STOX2: variants seen among roughly 807,000 people sequenced by gnomAD.
The protein encoded by STOX2 is storkhead box 2.
In STOX2, 28 loss-of-function variants were observed where a neutral mutation model predicts 60.9. The observed-to-expected ratio is 0.46, with a 90% CI of 0.34 to 0.63. The LOEUF (loss-of-function observed/expected upper bound fraction) is 0.63. STOX2 is among the 30% of genes least tolerant of loss of function. The pLI is 0.01. For missense variants in STOX2, 1,024 were observed against 1,187.7 expected (o/e 0.86, Z 2.03); for synonymous variants, 472 against 463.9 (o/e 1.02, Z -0.22).
At chr4:183,909,562 C>A (rs1461688816) in intron 1 of STOX2, among the ~76,000 whole-genome samples, 3 of 152,170 alleles carry the variant, frequency 2.0e-5, no homozygotes, top group Non-Finnish European at 4.4e-5. Context: ...AAAATAACTT[C>A]AGTTAAGAGA....
chr4:183,911,039 C>T (rs1741764275), intron 1 of STOX2, among the ~76,000 whole-genome samples: 1 of 152,166 alleles, frequency 6.6e-6, no homozygotes, highest in South Asian at 2.1e-4. Flanking sequence ...AGTAATATGA[C>T]CTCCCTCCAT....
intron 1 of STOX2, chr4:183,988,525 T>A (rs1445856711): frequency 6.6e-6 from 1 of 152,118 alleles, no homozygotes; most frequent in African/African-American, 2.4e-5. Context: ...TACCAGTATC[T>A]CAAGCCCTGA....
chr4:183,858,809 T>C (rs1292840834), intron 1 of STOX2, among the ~76,000 whole-genome samples: 1 of 152,228 alleles, frequency 6.6e-6, no homozygotes, highest in Non-Finnish European at 1.5e-5. Flanking sequence ...TCTTTATACT[T>C]AGCTTCTATG....
At position 184,011,453 on chromosome 4, in the gene STOX2, T is replaced by C. The variant is rs1196342742; in HGVS notation, c.2585+30T>C. 2 of 1,597,450 alleles carry C rather than the reference T, an allele frequency of 1.3e-6. No individual in the cohort carries two copies. Among genetic ancestry groups the C allele is most frequent in the South Asian group, 2.3e-5 (2 of 88,380 alleles). On this transcript the variant is annotated intron_variant, in intron 3 of 3. Coordinates refer to ENST00000308497, the MANE Select transcript of STOX2 (RefSeq NM_020225.3). This position sits in a 1 kb window ranked among gnomAD's most constrained non-coding sequence, Gnocchi z 4.4. ...GGAGAGGTGTCTCTGTGCACACACA[T>C]GCGCCTAGCGGGGCCTGGGGCTTTA...
intron 3 of STOX2, chr4:184,015,804 G>C (rs951260817): frequency 6.6e-6 from 1 of 152,220 alleles, no homozygotes; most frequent in African/African-American, 2.4e-5. Context: ...TCTGCCTCAT[G>C]CAGTGGATGT....
chr4:183,856,872 T>G lies in STOX2; in HGVS notation c.364+58817T>G, dbSNP rs561917998. ...ACCAAAACAGTCAGCTACCAAGTCTTATTGAGAATTTACTTTGGAAAGTCC... is the reference window on the plus strand; with the variant it reads ...ACCAAAACAGTCAGCTACCAAGTCTGATTGAGAATTTACTTTGGAAAGTCC... On this transcript the variant is annotated intron_variant, in intron 1 of 2. Coordinates refer to the STOX2 transcript ENST00000513034. The surrounding 1 kb of genome is among the most constrained non-coding windows in gnomAD (Gnocchi z 4.0). Among the ~76,000 whole-genome samples, 10 of 152,310 alleles carry G rather than the reference T, an allele frequency of 6.6e-5. No individual in the cohort carries two copies. Among genetic ancestry groups the G allele is most frequent in the African/African-American group, 2.2e-4 (9 of 41,570 alleles).
chr4:183,970,643 T>A (rs916479609), intron 1 of STOX2, among the ~76,000 whole-genome samples: 4 of 152,198 alleles, frequency 2.6e-5, no homozygotes, highest in Non-Finnish European at 4.4e-5. Context: ...GGCATCTCCA[T>A]GGAGCACTTT....
At chr4:183,904,310 G>A (rs1741531696), upstream of STOX2, among the ~76,000 whole-genome samples, 1 of 152,206 alleles carries the variant, frequency 6.6e-6, no homozygotes, top group Non-Finnish European at 1.5e-5. Context: ...CTGTGGGGTA[G>A]GTAAATATCC....
At chr4:183,807,034 G>T (rs1004620897) in intron 1 of STOX2, among the ~76,000 whole-genome samples, 6 of 151,832 alleles carry the variant, frequency 4.0e-5, no homozygotes, top group Admixed American at 1.3e-4. Context: ...GTGCAGTGGC[G>T]CGATCTCGGC....
rs548504136 is a variant in STOX2, at chr4:183,948,421, A to G, written c.166+41465A>G. Among the ~76,000 whole-genome samples, 4 of 151,688 alleles carry G rather than the reference A, an allele frequency of 2.6e-5. No individual in the cohort carries two copies. In the East Asian group the frequency reaches 5.8e-4, roughly 22 times the overall value. On this transcript the variant is annotated intron_variant, in intron 1 of 3. Coordinates refer to ENST00000308497, the MANE Select transcript of STOX2 (RefSeq NM_020225.3). ...TGTTTTCCAGTAGCTCCATATTTCT[A>G]TTAGTCAATTCAACACCTAGTTTGG...
chr4:183,888,193 A>G (rs981971515), intron 1 of STOX2, among the ~76,000 whole-genome samples: 2 of 152,180 alleles, frequency 1.3e-5, no homozygotes, highest in Admixed American at 6.5e-5. Context: ...TCATGTTTCA[A>G]TGGATGAAGA....
chr4:183,947,830 G>T (rs1354423504), intron 1 of STOX2, among the ~76,000 whole-genome samples: 1 of 152,138 alleles, frequency 6.6e-6, no homozygotes, highest in African/African-American at 2.4e-5. Flanking sequence ...TATTACTGCA[G>T]TTAGCATGTG....
intron 1 of STOX2, among the ~76,000 whole-genome samples, chr4:183,895,937 G>T (rs983571284): frequency 4.6e-5 from 7 of 152,190 alleles, no homozygotes; most frequent in Non-Finnish European, 8.8e-5. Context: ...CAAAGATAAG[G>T]AGAAGATGGA....
At chr4:184,002,865 A>G (rs1273347196) in intron 2 of STOX2, among the ~76,000 whole-genome samples, 2 of 152,106 alleles carry the variant, frequency 1.3e-5, no homozygotes, top group African/African-American at 2.4e-5. Flanking sequence ...TCTCCTTGTG[A>G]TATTTCTTCC....
In STOX2 at chr4:183,857,396, T is replaced by TA. The variant is rs1407627671; in HGVS notation, c.364+59341_364+59342insA. On this transcript the variant is annotated intron_variant, in intron 1 of 2. Coordinates refer to the STOX2 transcript ENST00000513034. ...GGACTGGTTATCCCGCAGGACTGGT[T>TA]GCCTCATAGGATTGGTCATCCCACA... Among the ~76,000 whole-genome samples the TA allele has an allele frequency of 8.6e-4, 130 of 151,646 alleles. 1 individual carries two copies. Among genetic ancestry groups the TA allele is most frequent in the African/African-American group, 3.1e-3 (126 of 41,280 alleles).
chr4:183,999,490 C>A (rs1733491731), intron 1 of STOX2, among the ~76,000 whole-genome samples: 1 of 152,152 alleles, frequency 6.6e-6, no homozygotes, highest in African/African-American at 2.4e-5. Flanking sequence ...CCTCTGGCCA[C>A]TGGGACAACG....
At chr4:183,898,125 C>A (rs1265973681) in intron 1 of STOX2, among the ~76,000 whole-genome samples, 2 of 151,972 alleles carry the variant, frequency 1.3e-5, no homozygotes, top group African/African-American at 4.8e-5. Flanking sequence ...GTCACATTTT[C>A]TGTATCTTTG....
intron 1 of STOX2, among the ~76,000 whole-genome samples, chr4:183,879,420 G>A (rs1005217394): frequency 1.7e-4 from 26 of 152,340 alleles, no homozygotes; most frequent in African/African-American, 5.3e-4. Context: ...ACAGAGCTCC[G>A]GCAATGAATA....
At chr4:183,915,096 A>C (rs1019840348) in intron 1 of STOX2, among the ~76,000 whole-genome samples, 3 of 152,208 alleles carry the variant, frequency 2.0e-5, no homozygotes, top group Non-Finnish European at 4.4e-5. Flanking sequence ...TTATCTTTCT[A>C]CTTTAATCCG....
Sources: allele counts gnomAD v4.1 joint callset (sites outside exome capture counted in the v4.1 genomes callset), GRCh38; gene constraint gnomAD v4.1.1; non-coding constraint Gnocchi (gnomAD v3.1); transcripts MANE v1.5; gene names NCBI Gene and HGNC (gene_info 2026-07-23, HGNC 2026-07-21).